Variants in PLA2G15 observed in about 807,000 individuals in gnomAD.
PLA2G15 encodes phospholipase A2 group XV.
A neutral mutation model predicts 40.9 loss-of-function variants in PLA2G15; 20 were observed. That is an observed-to-expected ratio of 0.49 (90% CI 0.34 to 0.71). The LOEUF is 0.71. Ranked by LOEUF, PLA2G15 falls within the 30% of genes least tolerant of loss-of-function variation. PLA2G15 has a pLI of 0.01. For synonymous variants in PLA2G15, 223 were observed against 228.2 expected, an observed-to-expected ratio of 0.98 and a Z score of 0.21; for missense variants, 471 against 541.9, an observed-to-expected ratio of 0.87 and a Z score of 1.30.
At chr16:68,257,760 C>T (rs2042413686) in intron 5 of PLA2G15, among the ~76,000 whole-genome samples, 1 of 152,192 alleles carries the variant, frequency 6.6e-6, no homozygotes, top group Non-Finnish European at 1.5e-5. Context: ...CCACTTCGGT[C>T]TAGCCTGGGC....
At chr16:68,254,513 T>C (rs2042385173) in intron 2 of PLA2G15, 1 of 159,302 alleles carries the variant, frequency 6.3e-6, no homozygotes, top group African/African-American at 2.4e-5. Flanking sequence ...GCTGATTTTG[T>C]ATCTTTAGTA....
Position 68,260,482 on chromosome 16 carries a change from C to T in PLA2G15, c.*825C>T, listed in dbSNP as rs1405798514. On this transcript the variant is annotated 3_prime_UTR_variant, in exon 6 of 6. Coordinates refer to ENST00000219345, the MANE Select transcript of PLA2G15 (RefSeq NM_012320.4). ...TGAGAGCAGGGGTTGGAGCCATGGC[C>T]TTCTGGGAACCTATGGAGAAAGGGA... 1.3e-5 allele frequency: 2 copies of T among 152,482 alleles called. No individual in the cohort carries two copies. The highest frequency in any genetic ancestry group is 2.9e-5 in the Non-Finnish European group (2 of 68,110). The allele number at this position is 152,482 out of a possible 1,614,324, so 9.4% of individuals were successfully genotyped here. A position where few individuals can be genotyped will look rare whatever the true frequency, so the allele number is the denominator to read the frequency against.
chr16:68,251,334 G>A (rs569165509), intron 2 of PLA2G15, among the ~76,000 whole-genome samples: 9 of 152,272 alleles, frequency 5.9e-5, no homozygotes. Context: ...AGTAGAACCA[G>A]AAACACAGTT....
At chr16:68,254,550 G>C in intron 2 of PLA2G15, 1 of 166,730 alleles carries the variant, frequency 6.0e-6, no homozygotes, top group Non-Finnish European at 1.3e-5. Context: ...ATGTTTGTCA[G>C]GCTGGTCTCA....
chr16:68,259,162 C>G lies in PLA2G15; in HGVS notation c.744C>G (p.Ile248Met). 1 of 1,612,832 alleles carries G rather than the reference C, an allele frequency of 6.2e-7. No individual in the cohort carries two copies. Among genetic ancestry groups the G allele is most frequent in the Non-Finnish European group, 8.5e-7 (1 of 1,179,436 alleles). ...RVLASGDNNR[I>M]PVIGPLKIRE... Reference sequence around the variant, plus strand: ...TCCCTGCAGGAGACAACAACCGGATCCCAGTCATCGGGCCCCTGAAGATCC... The same window carrying G: ...TCCCTGCAGGAGACAACAACCGGATGCCAGTCATCGGGCCCCTGAAGATCC... The change falls in exon 6 of 6, where the codon ATC becomes ATG. Residue 248 changes from isoleucine (I) to methionine (M), a missense_variant. Physicochemically the swap from Ile to Met is conservative, Grantham distance 10. Transcript: ENST00000219345. The surrounding 1 kb of genome is among the most constrained non-coding windows in gnomAD (Gnocchi z 6.5).
chr16:68,245,665 A>G, intron 1 of PLA2G15, 112 bp downstream of exon 1: 2 of 1,239,414 alleles, frequency 1.6e-6, no homozygotes, highest in Non-Finnish European at 2.3e-6. Flanking sequence ...GCGTATTGGT[A>G]TCTGTCTTGT....
intron 2 of PLA2G15, among the ~76,000 whole-genome samples, chr16:68,249,827 C>G (rs956179765): frequency 6.6e-6 from 1 of 152,196 alleles, no homozygotes; most frequent in South Asian, 2.1e-4. Flanking sequence ...TACAGGTGCC[C>G]GCCACCATGC....
chr16:68,249,468 G>T (rs752473758), intron 2 of PLA2G15, 22 bp downstream of exon 2: 3 of 1,604,862 alleles, frequency 1.9e-6, no homozygotes, highest in East Asian at 2.2e-5. Flanking sequence ...GGCACACAGA[G>T]GGGGGTGCTG....
intron 2 of PLA2G15, chr16:68,250,175 T>A (rs940947043): frequency 8.6e-6 from 1 of 116,854 alleles, no homozygotes; most frequent in African/African-American, 4.3e-5. Flanking sequence ...TTCCATTCAC[T>A]TTTTTTTTTT....
At chr16:68,247,463 C>T (rs1296013877) in intron 1 of PLA2G15, among the ~76,000 whole-genome samples, 1 of 152,190 alleles carries the variant, frequency 6.6e-6, no homozygotes, top group Non-Finnish European at 1.5e-5. Context: ...CAGATGGGCT[C>T]AGGAAGTGGC....
At chr16:68,253,505 A>G (rs1436813867) in intron 2 of PLA2G15, 1 of 429,734 alleles carries the variant, frequency 2.3e-6, no homozygotes, top group Non-Finnish European at 4.7e-6. Context: ...ACTCCGGATA[A>G]CTGGGATTAC....
Position 68,255,681 on chromosome 16 carries a change from C to A in PLA2G15, c.503-85C>A, listed in dbSNP as rs1469792780. The A allele has an allele frequency of 8.8e-6, 10 of 1,139,484 alleles. No homozygotes were observed. Among genetic ancestry groups the A allele is most frequent in the Non-Finnish European group, 1.2e-5 (9 of 756,316 alleles). 70.6% of individuals were successfully genotyped at this position (1,139,484 alleles called of 1,614,324 possible). On this transcript the variant is annotated intron_variant, in intron 4 of 5. Transcript: ENST00000219345. This position sits in a 1 kb window ranked among gnomAD's most constrained non-coding sequence, Gnocchi z 5.9. ...TGTGAGCACCCTCCCCTCCCCCTCT[C>A]GTCTTGTGTCTGGCCTGAGAAAAGC...
chr16:68,258,782 C>CA (rs878922848), intron 5 of PLA2G15: 3,018 of 168,874 alleles, frequency 0.018, 13 homozygotes, highest in African/African-American at 0.028. Flanking sequence ...GACCCTACTT[C>CA]AAAAAAAAAA....
intron 1 of PLA2G15, among the ~76,000 whole-genome samples, chr16:68,247,135 G>A (rs1425186611): frequency 6.6e-6 from 1 of 152,122 alleles, no homozygotes; most frequent in Non-Finnish European, 1.5e-5. Flanking sequence ...AGGGAGTGAG[G>A]CTGCTGGCCT....
intron 2 of PLA2G15, among the ~76,000 whole-genome samples, chr16:68,251,314 T>G (rs760477515): frequency 6.6e-6 from 1 of 152,182 alleles, no homozygotes; most frequent in Non-Finnish European, 1.5e-5. Context: ...GTCTGTTTTA[T>G]CCTTATAGCA....
chr16:68,249,897 C>T (rs979828115), intron 2 of PLA2G15, among the ~76,000 whole-genome samples: 27 of 152,150 alleles, frequency 1.8e-4, no homozygotes, highest in African/African-American at 6.5e-4. Context: ...CCATGCTGGT[C>T]TTGAACTCCT....
intron 2 of PLA2G15, among the ~76,000 whole-genome samples, chr16:68,251,721 G>T (rs535808056): frequency 6.6e-6 from 1 of 151,890 alleles, no homozygotes; most frequent in Non-Finnish European, 1.5e-5. Flanking sequence ...TGAGCCGGGC[G>T]TGGTGGCACA....
intron 2 of PLA2G15, 36 bp downstream of exon 2, chr16:68,249,482 AC>A (rs879846493): frequency 4.4e-6 from 7 of 1,603,414 alleles, no homozygotes; most frequent in African/African-American, 1.3e-5. Context: ...GGTGCTGCTC[AC>A]CAACAGTGCC....
chr16:68,252,100 T>C (rs893482553), intron 2 of PLA2G15, among the ~76,000 whole-genome samples: 14 of 152,234 alleles, frequency 9.2e-5, no homozygotes, highest in Non-Finnish European at 1.9e-4. Flanking sequence ...CCTTCACTGC[T>C]TCTCTGACCC....
Sources: gnomAD v4.1 joint callset for allele counts (sites outside exome capture counted in the v4.1 genomes callset) on GRCh38, gnomAD v4.1.1 for gene constraint, Gnocchi (gnomAD v3.1) non-coding constraint, MANE v1.5 for transcripts, NCBI Gene and HGNC (gene_info 2026-07-23, HGNC 2026-07-21) for gene names.